The following ITPRIP variants were observed in gnomAD, a reference collection of about 807,000 sequenced individuals.
ITPRIP encodes the protein inositol 1,4,5-trisphosphate receptor interacting protein.
In ITPRIP, 32 loss-of-function variants were observed where a neutral mutation model predicts 35.8. The observed-to-expected ratio is 0.89, with a 90% CI of 0.68 to 1.20. The LOEUF is 1.20. Ranked by LOEUF, ITPRIP falls within the 50% of genes most tolerant of loss-of-function variation. The probability of loss-of-function intolerance (pLI) is 0.00; values close to 1 mark genes in which losing one functional copy is unlikely to be tolerated. For synonymous variants in ITPRIP, 358 were observed against 324.0 expected (o/e 1.11, Z -1.13); for missense variants, 653 against 735.6 (o/e 0.89, Z 1.30).
rs1160144168 is a variant in ITPRIP at position 104,333,774 on chromosome 10, G to C, written c.-14+4472C>G. 1 of 152,328 alleles carries C rather than the reference G, an allele frequency of 6.6e-6. No homozygotes were observed. The highest frequency in any genetic ancestry group is 2.4e-5 in the African/African-American group (1 of 41,464). The allele number at this position is 152,328 out of a possible 1,614,324, so 9.4% of individuals were successfully genotyped here. Reference sequence around the variant, plus strand: ...ATAGATGTCCTCCCCGTCTAGGACAGTCTAGGTCCCTACAGCCTTGTCCTT... The same window carrying C: ...ATAGATGTCCTCCCCGTCTAGGACACTCTAGGTCCCTACAGCCTTGTCCTT... On this transcript the variant is annotated intron_variant, in intron 1 of 1. Transcript: ENST00000337478. This position sits in a 1 kb window ranked among gnomAD's most constrained non-coding sequence, Gnocchi z 4.1.
At position 104,328,173 on chromosome 10, in the gene ITPRIP, G is replaced by A. The variant is rs1375843973; in HGVS notation, c.-14+10073C>T. 1.0e-6 allele frequency: 1 copy of A among 962,226 alleles called. No homozygotes were observed. Among genetic ancestry groups the A allele is most frequent in the Non-Finnish European group, 1.2e-6 (1 of 808,938 alleles). The allele number at this position is 962,226 out of a possible 1,614,324, so 59.6% of individuals were successfully genotyped here. Reference sequence around the variant, plus strand: ...AGCCTGCAGGGGAAGGTCTCCCTCAGCCTCCAGGATTCCCATCTCCGGTTT... The same window carrying A: ...AGCCTGCAGGGGAAGGTCTCCCTCAACCTCCAGGATTCCCATCTCCGGTTT... On this transcript the variant is annotated intron_variant, in intron 1 of 1. Transcript: ENST00000337478. The surrounding 1 kb of genome is among the most constrained non-coding windows in gnomAD (Gnocchi z 4.1).
chr10:104,312,565 C>T lies in ITPRIP; in HGVS notation c.*1843G>A, dbSNP rs2013514589. ...TGTTAGGGACACACTTGAGCTGGTTCATTCCCTGGAGTGCCCCGCAACTGC... is the reference window on the plus strand; with the variant it reads ...TGTTAGGGACACACTTGAGCTGGTTTATTCCCTGGAGTGCCCCGCAACTGC... On this transcript the variant is annotated 3_prime_UTR_variant, in exon 2 of 2. Transcript: ENST00000337478. 1 of 959,438 alleles carries T rather than the reference C, an allele frequency of 1.0e-6. No homozygotes were observed. 59.4% of individuals were successfully genotyped at this position (959,438 alleles called of 1,614,324 possible).
In ITPRIP at chr10:104,315,216, G is replaced by A; in HGVS notation, c.836C>T (p.Pro279Leu). 4 of 1,613,988 alleles carry A rather than the reference G, an allele frequency of 2.5e-6. No homozygotes were observed. The highest frequency in any genetic ancestry group is 2.2e-5 in the East Asian group (1 of 44,852). ...LLHGRNSMAPPCGDMENLLCA... is the reference protein window; with the variant it reads ...LLHGRNSMAPLCGDMENLLCA... ...CAGCAGGTTCTCCATGTCGCCGCAG[G>A]GAGGCGCCATGCTGTTCCTGCCGTG... The change falls in exon 2 of 2, where the codon CCC (proline) becomes CTC (leucine). Residue 279 changes from proline (P) to leucine (L), a missense_variant. Pro to Leu is a moderately conservative substitution (Grantham distance 98). Transcript: ENST00000337478. The surrounding 1 kb of genome is among the most constrained non-coding windows in gnomAD (Gnocchi z 5.7).
At position 104,312,568 on chromosome 10, in the gene ITPRIP, T is replaced by TC. The variant is rs2013514722; in HGVS notation, c.*1839dup. On this transcript the variant is annotated 3_prime_UTR_variant, in exon 2 of 2. Coordinates refer to ENST00000337478, the MANE Select transcript of ITPRIP (RefSeq NM_001272013.2). The stretch of plus-strand genomic sequence containing the variant: ...TAGGGACACACTTGAGCTGGTTCAT[T>TC]CCCTGGAGTGCCCCGCAACTGCGTC... The TC allele has an allele frequency of 1.0e-6, 1 of 969,254 alleles. No homozygotes were observed. Among genetic ancestry groups the TC allele is most frequent in the Non-Finnish European group, 1.2e-6 (1 of 815,130 alleles). The allele number at this position is 969,254 out of a possible 1,614,324, so 60.0% of individuals were successfully genotyped here. A position where few individuals can be genotyped will look rare whatever the true frequency, so the allele number is the denominator to read the frequency against.
rs1280778609 is a variant in ITPRIP, at chr10:104,315,707, G to A, written c.345C>T (p.Cys115=). 1 of 1,613,466 alleles carries A rather than the reference G, an allele frequency of 6.2e-7. No homozygotes were observed. The highest frequency in any genetic ancestry group is 8.5e-7 in the Non-Finnish European group (1 of 1,179,974). ...QDHQEGPSPE[C]LGGEEDELPG... is the part of the protein sequence containing the mutation. ...GCAGCTCATCCTCCTCACCGCCCAG[G>A]CACTCAGGTGAGGGCCCCTCCTGGT... Residue 115 remains cysteine (C), a synonymous_variant, in exon 2 of 2, where the codon TGC becomes TGT. Coordinates refer to ENST00000337478, the MANE Select transcript of ITPRIP (RefSeq NM_001272013.2). This position sits in a 1 kb window ranked among gnomAD's most constrained non-coding sequence, Gnocchi z 5.7.
At position 104,315,700 on chromosome 10, in the gene ITPRIP, C is replaced by T. The variant is rs138641962; in HGVS notation, c.352G>A (p.Gly118Ser). The change falls in exon 2 of 2, where the codon GGT becomes AGT. Residue 118 changes from glycine to serine, a missense_variant. Gly to Ser is a moderately conservative substitution (Grantham distance 56, BLOSUM62 0). Transcript: ENST00000337478. This position sits in a 1 kb window ranked among gnomAD's most constrained non-coding sequence, Gnocchi z 5.7. ...AGCCCAGGCAGCTCATCCTCCTCACCGCCCAGGCACTCAGGTGAGGGCCCC... is the reference window on the plus strand; with the variant it reads ...AGCCCAGGCAGCTCATCCTCCTCACTGCCCAGGCACTCAGGTGAGGGCCCC... ...QEGPSPECLG[G>S]EEDELPGLGG... 200 of 1,613,340 alleles carry T rather than the reference C, an allele frequency of 1.2e-4. No homozygotes were observed. Among genetic ancestry groups the T allele is most frequent in the Admixed American group, 8.2e-4 (49 of 60,010 alleles).
chr10:104,323,259 G>A (rs1271451339), intron 1 of ITPRIP: 2 of 152,222 alleles, frequency 1.3e-5, no homozygotes, highest in Non-Finnish European at 2.9e-5. Flanking sequence ...CCCCATACTA[G>A]GCAGGATGCT....
At chr10:104,322,107 C>A (rs1208684251) in intron 1 of ITPRIP, among the ~76,000 whole-genome samples, 1 of 152,176 alleles carries the variant, frequency 6.6e-6, no homozygotes, top group African/African-American at 2.4e-5. Flanking sequence ...AGGGAGGGAG[C>A]TTCCTTCCTG....
chr10:104,323,748 T>C (rs1411053073), intron 1 of ITPRIP, among the ~76,000 whole-genome samples: 1 of 152,194 alleles, frequency 6.6e-6, no homozygotes, highest in East Asian at 1.9e-4. Flanking sequence ...TCCATGCTTC[T>C]CTCTAGCAGG....
In ITPRIP at chr10:104,313,003, C is replaced by CG. The variant is rs1564859433; in HGVS notation, c.*1404dup. The CG allele has an allele frequency of 1.0e-6, 1 of 985,342 alleles. No individual in the cohort carries two copies. Among genetic ancestry groups the CG allele is most frequent in the African/African-American group, 1.7e-5 (1 of 57,236 alleles). The allele number at this position is 985,342 out of a possible 1,614,324, so 61.0% of individuals were successfully genotyped here. A position where few individuals can be genotyped will look rare whatever the true frequency, so the allele number is the denominator to read the frequency against. On this transcript the variant is annotated 3_prime_UTR_variant, in exon 2 of 2. Transcript: ENST00000337478. Reference sequence around the variant, plus strand: ...GATCCCCCTGAACCAGACCTGGAGACGGAGCCCAGCTCCAACCACAGAGCT... The same window carrying CG: ...GATCCCCCTGAACCAGACCTGGAGACGGGAGCCCAGCTCCAACCACAGAGCT...
chr10:104,327,137 C>T (rs2014037347), intron 1 of ITPRIP: 1 of 152,598 alleles, frequency 6.6e-6, no homozygotes, highest in Admixed American at 6.5e-5. Context: ...TCTCCAGTCT[C>T]CCCAGCCACC....
chr10:104,316,818 A>G (rs2013706936), intron 1 of ITPRIP, among the ~76,000 whole-genome samples: 1 of 152,212 alleles, frequency 6.6e-6, no homozygotes, highest in African/African-American at 2.4e-5. Flanking sequence ...ATCTTCCTGC[A>G]ATACAGTGAA....
At chr10:104,331,336 C>T (rs191793238) in intron 1 of ITPRIP, among the ~76,000 whole-genome samples, 73 of 152,328 alleles carry the variant, frequency 4.8e-4, no homozygotes, top group Non-Finnish European at 8.1e-4. Context: ...AGGACGCGTT[C>T]GTAAACTTCA....
intron 1 of ITPRIP, chr10:104,327,033 T>C (rs1267169713): frequency 6.6e-6 from 1 of 152,250 alleles, no homozygotes; most frequent in East Asian, 1.9e-4. Context: ...CAACTTGTTA[T>C]GGCCACCCCA....
chr10:104,327,222 G>T (rs1409413281), intron 1 of ITPRIP, among the ~76,000 whole-genome samples: 1 of 152,106 alleles, frequency 6.6e-6, no homozygotes, highest in Non-Finnish European at 1.5e-5. Context: ...GTGCTGGCCA[G>T]CGTAGGCCTT....
At position 104,315,627 on chromosome 10, in the gene ITPRIP, A is replaced by G. The variant is rs763218198; in HGVS notation, c.425T>C (p.Leu142Pro). 6.2e-7 allele frequency: 1 copy of G among 1,612,712 alleles called. No homozygotes were observed. Among genetic ancestry groups the G allele is most frequent in the African/African-American group, 1.3e-5 (1 of 74,948 alleles). Residue 142 changes from leucine to proline, a missense_variant, in exon 2 of 2, where the codon CTT (leucine) becomes CCT (proline). Coordinates refer to ENST00000337478, the MANE Select transcript of ITPRIP (RefSeq NM_001272013.2). This position sits in a 1 kb window ranked among gnomAD's most constrained non-coding sequence, Gnocchi z 5.7. ...GATGCAGCGCTCATAAAAGTGGCCA[A>G]GCGTGGCCTTGTTGGGCAGGGTGAG... is the stretch of plus-strand genomic sequence containing the variant. ...QGLTLPNKAT[L>P]GHFYERCIRG... is the part of the protein sequence containing the mutation.
Position 104,314,297 on chromosome 10 carries a change from C to G in ITPRIP, c.*111G>C. 6.6e-7 allele frequency: 1 copy of G among 1,510,620 alleles called. No individual in the cohort carries two copies. The highest frequency in any genetic ancestry group is 8.8e-7 in the Non-Finnish European group (1 of 1,132,748). The allele number at this position is 1,510,620 out of a possible 1,614,324, so 93.6% of individuals were successfully genotyped here. A position where few individuals can be genotyped will look rare whatever the true frequency, so the allele number is the denominator to read the frequency against. On this transcript the variant is annotated 3_prime_UTR_variant, in exon 2 of 2. Coordinates refer to ENST00000337478, the MANE Select transcript of ITPRIP (RefSeq NM_001272013.2). ...GCTTCCTGGCAGGCTGAGCACGGCTCCCACGAAAGCCCGCCTTGTCCCCAG... is the reference window on the plus strand; with the variant it reads ...GCTTCCTGGCAGGCTGAGCACGGCTGCCACGAAAGCCCGCCTTGTCCCCAG...
At position 104,328,158 on chromosome 10, in the gene ITPRIP, G is replaced by C. The variant is rs1004764861; in HGVS notation, c.-14+10088C>G. ...GCCTCTCCCACAGCCAGCCTGCAGG[G>C]GAAGGTCTCCCTCAGCCTCCAGGAT... On this transcript the variant is annotated intron_variant, in intron 1 of 1. Transcript: ENST00000337478. This position sits in a 1 kb window ranked among gnomAD's most constrained non-coding sequence, Gnocchi z 4.1. The C allele has an allele frequency of 3.3e-6, 3 of 913,296 alleles. No homozygotes were observed. The highest frequency in any genetic ancestry group is 5.0e-5 in the South Asian group (1 of 19,938). 56.6% of individuals were successfully genotyped at this position (913,296 alleles called of 1,614,324 possible).
rs1464873927 is a variant in ITPRIP at position 104,314,497 on chromosome 10, A to T, written c.1555T>A (p.Ser519Thr). 1 of 1,614,216 alleles carries T rather than the reference A, an allele frequency of 6.2e-7. No individual in the cohort carries two copies. Among genetic ancestry groups the T allele is most frequent in the East Asian group, 2.2e-5 (1 of 44,876 alleles). The change falls in exon 2 of 2, where the codon TCC becomes ACC. Residue 519 changes from serine to threonine, a missense_variant. Ser to Thr is a moderately conservative substitution (Grantham distance 58). Coordinates refer to ENST00000337478, the MANE Select transcript of ITPRIP (RefSeq NM_001272013.2). ...GCATTCTTGAGCATCTCATAGAAGG[A>T]GTCCAGTGTCTTACGGTAAAGGCTT... Reference protein sequence around the residue: ...QRSLYRKTLDSFYEMLKNAPA... With the variant: ...QRSLYRKTLDTFYEMLKNAPA...
Sources: allele counts gnomAD v4.1 joint callset (sites outside exome capture counted in the v4.1 genomes callset), GRCh38; gene constraint gnomAD v4.1.1; non-coding constraint Gnocchi (gnomAD v3.1); transcripts MANE v1.5; gene names NCBI Gene and HGNC (gene_info 2026-07-23, HGNC 2026-07-21).